CDH13: variants seen among roughly 807,000 people sequenced by gnomAD.
CDH13 encodes cadherin 13, also known as cadherin-13.
CDH13 carries 24 observed loss-of-function variants against 63.8 expected under a neutral mutation model. That is an observed-to-expected ratio of 0.38 (90% confidence interval 0.27 to 0.53). CDH13 has a LOEUF of 0.53. Ranked by LOEUF, CDH13 falls within the 20% of genes least tolerant of loss-of-function variation. CDH13 has a pLI of 0.85. For missense variants in CDH13, 1,049 were observed against 903.1 expected (o/e 1.16, Z -2.07); for synonymous variants, 503 against 355.3 (o/e 1.42, Z -4.67).
intron 3 of CDH13, among the ~76,000 whole-genome samples, chr16:83,070,794 A>C (rs999396148): frequency 3.3e-5 from 5 of 150,186 alleles, no homozygotes; most frequent in Non-Finnish European, 5.9e-5. Context: ...TCAGCAAAGG[A>C]GTTGTCTTAA....
chr16:83,451,993 A>G (rs1462633790), intron 6 of CDH13, among the ~76,000 whole-genome samples: 2 of 152,132 alleles, frequency 1.3e-5, no homozygotes, highest in East Asian at 3.9e-4. Flanking sequence ...CTGTGGACCC[A>G]TGAGTGTCAG....
At chr16:83,010,527 C>A (rs1914044179) in intron 2 of CDH13, among the ~76,000 whole-genome samples, 1 of 152,014 alleles carries the variant, frequency 6.6e-6, no homozygotes. Context: ...GAAGAGGAAC[C>A]CCACTCATTC....
intron 5 of CDH13, among the ~76,000 whole-genome samples, chr16:83,241,965 T>A (rs4782761): frequency 6.6e-6 from 1 of 151,988 alleles, no homozygotes; most frequent in Non-Finnish European, 1.5e-5. Flanking sequence ...TTGTATAGTT[T>A]TAGGTCTCAC....
intron 11 of CDH13, among the ~76,000 whole-genome samples, chr16:83,778,888 C>T (rs933385294): frequency 6.6e-6 from 1 of 152,222 alleles, no homozygotes; most frequent in Non-Finnish European, 1.5e-5. Context: ...AGTAGAGCTA[C>T]AGCAGTGAAA....
At chr16:83,043,716 G>T (rs1187053667) in intron 3 of CDH13, among the ~76,000 whole-genome samples, 4 of 151,894 alleles carry the variant, frequency 2.6e-5, no homozygotes, top group Admixed American at 6.6e-5. Context: ...AAAATTAGCT[G>T]GGCATGGTGG....
At chr16:83,297,172 G>A (rs989202015) in intron 5 of CDH13, among the ~76,000 whole-genome samples, 1 of 152,092 alleles carries the variant, frequency 6.6e-6, no homozygotes, top group African/African-American at 2.4e-5. Flanking sequence ...GCATAATAGG[G>A]TGACTATAGT....
intron 7 of CDH13, among the ~76,000 whole-genome samples, chr16:83,564,327 C>T (rs1474954440): frequency 2.0e-5 from 3 of 149,874 alleles, no homozygotes; most frequent in African/African-American, 2.4e-5. Context: ...AAGGCATTAA[C>T]ATAAACCCAG....
At chr16:83,294,306 C>T (rs1207240023) in intron 5 of CDH13, among the ~76,000 whole-genome samples, 1 of 152,014 alleles carries the variant, frequency 6.6e-6, no homozygotes, top group Non-Finnish European at 1.5e-5. Context: ...TTGTAGTTGC[C>T]ATATTGGACA....
chr16:83,093,951 C>T (rs984633155), intron 3 of CDH13, among the ~76,000 whole-genome samples: 2 of 152,122 alleles, frequency 1.3e-5, no homozygotes, highest in Non-Finnish European at 2.9e-5. Flanking sequence ...GAGTAATAGC[C>T]TGGAGAGAAG....
intron 6 of CDH13, among the ~76,000 whole-genome samples, chr16:83,449,898 T>C (rs1298596621): frequency 1.3e-5 from 2 of 152,204 alleles, no homozygotes; most frequent in Non-Finnish European, 2.9e-5. Flanking sequence ...GCCGAATAAG[T>C]GACGGCTGCT....
chr16:83,128,815 C>T (rs1214124774), intron 4 of CDH13, among the ~76,000 whole-genome samples: 2 of 152,164 alleles, frequency 1.3e-5, no homozygotes, highest in African/African-American at 4.8e-5. Context: ...AAGCTGAGGA[C>T]TCACTTCTTC....
chr16:83,532,422 T>G (rs1363422084), intron 7 of CDH13, among the ~76,000 whole-genome samples: 1 of 152,198 alleles, frequency 6.6e-6, no homozygotes, highest in Non-Finnish European at 1.5e-5. Flanking sequence ...AACCAGTGCT[T>G]GGAACATGGG....
rs143719860 is a variant in CDH13 at position 83,240,173 on chromosome 16, T to G, written c.636+22676T>G. The stretch of plus-strand genomic sequence containing the variant: ...CTGCCTTTGTTGGTGTACCCCTCAT[T>G]TCTTTTTTCAGCAGGCCGTGACCCC... On this transcript the variant is annotated intron_variant, in intron 5 of 13. Coordinates refer to ENST00000567109, the MANE Select transcript of CDH13 (RefSeq NM_001257.5). Among the ~76,000 whole-genome samples the G allele has an allele frequency of 1.7e-4, 26 of 152,210 alleles. 4 individuals carry two copies. The highest frequency in any genetic ancestry group is 5.8e-4 in the African/African-American group (24 of 41,532).
chr16:83,202,500 G>A (rs2039060932), intron 4 of CDH13, among the ~76,000 whole-genome samples: 1 of 152,104 alleles, frequency 6.6e-6, no homozygotes, highest in Non-Finnish European at 1.5e-5. Flanking sequence ...CCTCAAAGCT[G>A]TCTACACATC....
In CDH13 at chr16:82,945,233, A is replaced by G. The variant is rs1034645021; in HGVS notation, c.157+86760A>G. Among the ~76,000 whole-genome samples the G allele has an allele frequency of 7.9e-5, 12 of 152,194 alleles. No individual in the cohort carries two copies. The East Asian group carries it at 1.2e-3, about 15-fold the overall frequency. On this transcript the variant is annotated intron_variant, in intron 2 of 13. Coordinates refer to ENST00000567109, the MANE Select transcript of CDH13 (RefSeq NM_001257.5). ...ATGAAGTTTCTGTGGCAGTCACTCA[A>G]CTGTGCCCGTGTAGTCCCCAAAGTG...
intron 5 of CDH13, among the ~76,000 whole-genome samples, chr16:83,326,425 C>CTTTTTTTT (rs1241180598): frequency 1.6e-5 from 2 of 126,638 alleles, no homozygotes; most frequent in Non-Finnish European, 3.4e-5. Flanking sequence ...ACACTTGGTG[C>CTTTTTTTT]TTTTTTTTTT....
chr16:83,380,806 GT>G (rs2091551635), intron 6 of CDH13, among the ~76,000 whole-genome samples: 1 of 148,920 alleles, frequency 6.7e-6, no homozygotes, highest in Non-Finnish European at 1.5e-5. Context: ...AGAATATCAT[GT>G]TTCATTAGGG....
At chr16:82,816,625 C>T (rs1379358671) in intron 1 of CDH13, among the ~76,000 whole-genome samples, 2 of 151,848 alleles carry the variant, frequency 1.3e-5, no homozygotes, top group African/African-American at 2.4e-5. Context: ...ATGGAGAGTG[C>T]CTGGTGTGTC....
intron 6 of CDH13, among the ~76,000 whole-genome samples, chr16:83,374,127 G>C (rs1382808314): frequency 6.6e-6 from 1 of 152,198 alleles, no homozygotes; most frequent in Non-Finnish European, 1.5e-5. Flanking sequence ...TCTTGCTGCT[G>C]TTCCATAAAG....
Sources: allele counts gnomAD v4.1 joint callset (sites outside exome capture counted in the v4.1 genomes callset), GRCh38; gene constraint gnomAD v4.1.1; transcripts MANE v1.5; gene names NCBI Gene and HGNC (gene_info 2026-07-23, HGNC 2026-07-21).